Variants in PTCHD4 observed in about 807,000 individuals in gnomAD.
The protein encoded by PTCHD4 is patched domain-containing protein 4.
A neutral mutation model predicts 58.1 loss-of-function variants in PTCHD4; 33 were observed. The observed-to-expected ratio is 0.57, with a 90% CI of 0.43 to 0.76. The LOEUF is 0.76. Ranked by LOEUF, PTCHD4 falls within the 30% of genes least tolerant of loss-of-function variation. The pLI is 0.00. For synonymous variants in PTCHD4, 478 were observed against 409.6 expected (o/e 1.17, Z -2.02); for missense variants, 1,058 against 1,027.1 (o/e 1.03, Z -0.41).
intron 3 of PTCHD4, among the ~76,000 whole-genome samples, chr6:48,055,993 CA>C (rs1764392548): frequency 6.6e-6 from 1 of 152,170 alleles, no homozygotes. Flanking sequence ...GGATGGTATC[CA>C]ATGTTTCCCA....
In PTCHD4 at chr6:47,872,303, T is replaced by C. The variant is rs1763734597; in HGVS notation, c.*6000A>G. Among the ~76,000 whole-genome samples, 1 of 151,754 alleles carries C rather than the reference T, an allele frequency of 6.6e-6. No homozygotes were observed. The highest frequency in any genetic ancestry group is 1.5e-5 in the Non-Finnish European group (1 of 67,784). ...TAGTTATTCCTAGGAAATTCTTCAATGCAGTCTTCCAAAGCATTAGAATTT... is the reference window on the plus strand; with the variant it reads ...TAGTTATTCCTAGGAAATTCTTCAACGCAGTCTTCCAAAGCATTAGAATTT... On this transcript the variant is annotated 3_prime_UTR_variant, in exon 5 of 5. Transcript: ENST00000339488.
chr6:47,918,300 C>G (rs1232502108), intron 4 of PTCHD4, among the ~76,000 whole-genome samples: 1 of 151,994 alleles, frequency 6.6e-6, no homozygotes, highest in African/African-American at 2.4e-5. Context: ...AGATAGAATG[C>G]TTTTGCATTT....
intron 4 of PTCHD4, among the ~76,000 whole-genome samples, chr6:47,893,305 A>G (rs1764436347): frequency 1.3e-5 from 2 of 152,196 alleles, no homozygotes; most frequent in South Asian, 4.1e-4. Flanking sequence ...CACAACGACC[A>G]GGTTGTAGAG....
chr6:48,107,191 C>A (rs1470820860), intron 1 of PTCHD4, among the ~76,000 whole-genome samples: 1 of 152,178 alleles, frequency 6.6e-6, no homozygotes, highest in African/African-American at 2.4e-5. Context: ...TGCTACCTGA[C>A]TTCAAACTAT....
At chr6:47,881,378 G>A (rs1266200921) in intron 4 of PTCHD4, among the ~76,000 whole-genome samples, 1 of 152,154 alleles carries the variant, frequency 6.6e-6, no homozygotes, top group African/African-American at 2.4e-5. Context: ...TTTTCAACTA[G>A]AGGTGTTTCA....
intron 4 of PTCHD4, among the ~76,000 whole-genome samples, chr6:47,975,515 T>C (rs1019212387): frequency 6.6e-6 from 1 of 152,132 alleles, no homozygotes; most frequent in Admixed American, 6.6e-5. Context: ...CTAACCTTCT[T>C]GGTTCATGGA....
intron 3 of PTCHD4, among the ~76,000 whole-genome samples, chr6:48,044,324 G>A (rs332584): frequency 0.81 from 122,315 of 151,712 alleles, 49,305 homozygotes; most frequent in Middle Eastern, 0.85. Flanking sequence ...TCCAAATTGA[G>A]TGCAAGTATG....
chr6:47,937,247 C>T (rs1239041962), intron 4 of PTCHD4, among the ~76,000 whole-genome samples: 1 of 152,110 alleles, frequency 6.6e-6, no homozygotes, highest in Non-Finnish European at 1.5e-5. Context: ...TGTAACAGGG[C>T]AAGAGCGGAA....
chr6:48,009,212 G>T (rs1219755525), intron 3 of PTCHD4, 98 bp from the exon 4 acceptor site: 11 of 1,299,786 alleles, frequency 8.5e-6, no homozygotes, highest in Non-Finnish European at 1.1e-5. Flanking sequence ...GCAGAGATAG[G>T]TGCTAGTAAT....
intron 4 of PTCHD4, among the ~76,000 whole-genome samples, chr6:47,922,271 T>C (rs1425632252): frequency 1.3e-5 from 2 of 152,224 alleles, no homozygotes; most frequent in African/African-American, 4.8e-5. Flanking sequence ...GAATACAAGG[T>C]AGTTCCTGGA....
At position 48,068,627 on chromosome 6, in the gene PTCHD4, G is replaced by A; in HGVS notation, c.20C>T (p.Pro7Leu). 3 of 1,557,118 alleles carry A rather than the reference G, an allele frequency of 1.9e-6. No individual in the cohort carries two copies. Among genetic ancestry groups the A allele is most frequent in the Non-Finnish European group, 2.6e-6 (3 of 1,156,230 alleles). ...CATCCTCCACCAGATCCAGCTCGCA[G>A]GCGCTCCCGGCCGTCTTAAAAAGCA... MRRPGA[P>L]ASWIWWRMLR... is the part of the protein sequence containing the mutation. The change falls in exon 3 of 5, where the codon CCT becomes CTT. Residue 7 changes from proline (P) to leucine (L), a missense_variant. Physicochemically the swap from Pro to Leu is moderately conservative, Grantham distance 98. Transcript: ENST00000339488. This position sits in a 1 kb window ranked among gnomAD's most constrained non-coding sequence, Gnocchi z 4.2.
At chr6:47,969,833 T>C (rs1031285829) in intron 4 of PTCHD4, among the ~76,000 whole-genome samples, 1 of 152,152 alleles carries the variant, frequency 6.6e-6, no homozygotes, top group Non-Finnish European at 1.5e-5. Context: ...TTTACCAATA[T>C]TGACAGCAAA....
intron 4 of PTCHD4, among the ~76,000 whole-genome samples, chr6:47,912,588 C>T (rs1396972610): frequency 6.6e-6 from 1 of 152,142 alleles, no homozygotes; most frequent in African/African-American, 2.4e-5. Flanking sequence ...TACCTTCCTT[C>T]ATACCTTCTT....
chr6:48,100,196 C>T (rs1765571189), intron 1 of PTCHD4, among the ~76,000 whole-genome samples: 1 of 152,100 alleles, frequency 6.6e-6, no homozygotes, highest in Non-Finnish European at 1.5e-5. Flanking sequence ...GCATTTGGAA[C>T]TGCATCTAGA....
chr6:47,858,565 G>C lies in PTCHD4; in HGVS notation c.*19738C>G, dbSNP rs1271602173. ...AAAGCATTTTTTACCACAGATAATG[G>C]AATGCTACTTGACCAACATAAATTA... On this transcript the variant is annotated 3_prime_UTR_variant, in exon 5 of 5. Transcript: ENST00000339488. Among the ~76,000 whole-genome samples the C allele has an allele frequency of 1.3e-5, 2 of 151,980 alleles. No homozygotes were observed. The highest frequency in any genetic ancestry group is 4.8e-5 in the African/African-American group (2 of 41,410).
At chr6:47,956,053 C>T (rs1339299260) in intron 4 of PTCHD4, among the ~76,000 whole-genome samples, 3 of 152,168 alleles carry the variant, frequency 2.0e-5, no homozygotes, top group Non-Finnish European at 4.4e-5. Flanking sequence ...TTTTTATGCT[C>T]AATTCCCATT....
At position 47,906,049 on chromosome 6, in the gene PTCHD4, G is replaced by T. The variant is rs149328015; in HGVS notation, c.899-26113C>A. Among the ~76,000 whole-genome samples, 427 of 152,298 alleles carry T rather than the reference G, an allele frequency of 2.8e-3. 4 individuals carry two copies. The highest frequency in any genetic ancestry group is 8.3e-3 in the African/African-American group (346 of 41,562). ...GCTTCACAGTGTAAAAAGAAGCCAA[G>T]AATAAGAAATGAAGATTCCAAATAA... On this transcript the variant is annotated intron_variant, in intron 4 of 4. Transcript: ENST00000339488.
intron 3 of PTCHD4, among the ~76,000 whole-genome samples, chr6:48,066,503 T>C (rs1471709505): frequency 6.6e-6 from 1 of 152,180 alleles, no homozygotes; most frequent in African/African-American, 2.4e-5. Context: ...AGGTGTTTGG[T>C]ATAGGAAATA....
intron 1 of PTCHD4, among the ~76,000 whole-genome samples, chr6:48,107,277 A>C (rs1765751740): frequency 6.6e-6 from 1 of 152,170 alleles, no homozygotes; most frequent in African/African-American, 2.4e-5. Flanking sequence ...AACAGAACAG[A>C]GCCCTCAGAA....
Sources: allele counts gnomAD v4.1 joint callset (sites outside exome capture counted in the v4.1 genomes callset), GRCh38; gene constraint gnomAD v4.1.1; non-coding constraint Gnocchi (gnomAD v3.1); transcripts MANE v1.5; gene names NCBI Gene and HGNC (gene_info 2026-07-23, HGNC 2026-07-21).